NME9: variants seen among roughly 807,000 people sequenced by gnomAD.
NME9 encodes NME/NM23 family member 9, also known as thioredoxin domain-containing protein 6.
A neutral mutation model predicts 44.4 loss-of-function variants in NME9; 48 were observed. The observed-to-expected ratio is 1.08, with a 90% CI of 0.86 to 1.37. The LOEUF is 1.37. NME9 is among the 40% of genes most tolerant of loss of function. NME9 has a pLI of 0.00. For missense variants in NME9, 325 were observed against 405.2 expected (o/e 0.80, Z 1.70); for synonymous variants, 139 against 147.1 (o/e 0.94, Z 0.40).
At chr3:138,279,827 G>A (rs1009831072) in intron 8 of NME9, among the ~76,000 whole-genome samples, 4 of 152,014 alleles carry the variant, frequency 2.6e-5, no homozygotes, top group Non-Finnish European at 5.9e-5. Flanking sequence ...AACATAAAAC[G>A]GTTCATAATT....
chr3:138,269,162 G>A (rs1165578252), intron 8 of NME9, among the ~76,000 whole-genome samples: 2 of 152,098 alleles, frequency 1.3e-5, no homozygotes, highest in East Asian at 3.8e-4. Context: ...TGTATTTTTT[G>A]CTACTTTATA....
At chr3:138,262,546 T>C in exon 9 of NME9, 2 of 1,612,632 alleles carry the variant, frequency 1.2e-6, no homozygotes, top group Non-Finnish European at 1.7e-6. Flanking sequence ...CATTTTAGTC[T>C]AGGTCAGTGA....
chr3:138,285,461 T>A (rs2050319262), intron 8 of NME9, among the ~76,000 whole-genome samples: 1 of 152,154 alleles, frequency 6.6e-6, no homozygotes, highest in Admixed American at 6.5e-5. Context: ...CCACTTGAAG[T>A]TTCTCAAAAA....
chr3:138,274,017 C>T (rs558440030), intron 8 of NME9, among the ~76,000 whole-genome samples: 65 of 152,136 alleles, frequency 4.3e-4, no homozygotes, highest in African/African-American at 1.3e-3. Context: ...GGGGTTTTGC[C>T]GTGTTGGCCA....
chr3:138,296,705 T>A (rs903077629), downstream of NME9: 37 of 152,176 alleles, frequency 2.4e-4, no homozygotes, highest in African/African-American at 8.7e-4. Context: ...GGCTTCCAAG[T>A]CAAATGGAGA....
intron 1 of NME9, 123 bp downstream of exon 1, chr3:138,329,180 G>T: frequency 1.2e-6 from 1 of 864,588 alleles, no homozygotes; most frequent in South Asian, 1.7e-5. Context: ...ACTCAAGTTT[G>T]AGAACACTGT....
At chr3:138,280,522 C>T (rs537852159) in intron 8 of NME9, among the ~76,000 whole-genome samples, 56 of 147,526 alleles carry the variant, frequency 3.8e-4, no homozygotes, top group Admixed American at 2.1e-3. Context: ...GAGACAGTCT[C>T]TCGCTCTGTC....
chr3:138,265,635 G>C (rs1435019542), intron 8 of NME9, among the ~76,000 whole-genome samples: 1 of 152,196 alleles, frequency 6.6e-6, no homozygotes, highest in Admixed American at 6.5e-5. Context: ...AGGAAAACAG[G>C]AGGATTTTCT....
chr3:138,306,534 C>A (rs770759672), intron 6 of NME9, 54 bp from the exon 7 acceptor site: 2 of 1,099,712 alleles, frequency 1.8e-6, no homozygotes, highest in African/African-American at 1.6e-5. Flanking sequence ...CCTGAGAGGC[C>A]ATCCACAAAA....
At chr3:138,305,967 G>C (rs371437368) in intron 8 of NME9, 37 bp downstream of exon 8, 2 of 1,308,730 alleles carry the variant, frequency 1.5e-6, no homozygotes, top group Non-Finnish European at 2.2e-6. Flanking sequence ...GAAGAGAAAC[G>C]ACAGTGTGTT....
In NME9 at chr3:138,305,709, C is replaced by T. The variant is rs77335306; in HGVS notation, c.636+295G>A. Among the ~76,000 whole-genome samples the T allele has an allele frequency of 7.1e-3, 1,084 of 152,330 alleles. 17 individuals carry two copies. Among genetic ancestry groups the T allele is most frequent in the African/African-American group, 0.025 (1,036 of 41,580 alleles). The stretch of plus-strand genomic sequence containing the variant: ...GGCTTTGCTTCGAGATCCCTAGCTT[C>T]CTTTTGTCTCCAAGCCCTTCTCATT... On this transcript the variant is annotated intron_variant, in intron 8 of 10. Transcript: ENST00000333911.
intron 8 of NME9, among the ~76,000 whole-genome samples, chr3:138,282,934 C>T (rs1330254774): frequency 6.6e-6 from 1 of 152,192 alleles, no homozygotes; most frequent in Non-Finnish European, 1.5e-5. Context: ...AAATTTAAGA[C>T]AGTTTCACCA....
At chr3:138,293,550 AAAG>A (rs1490264559) in intron 8 of NME9, among the ~76,000 whole-genome samples, 1 of 152,034 alleles carries the variant, frequency 6.6e-6, no homozygotes, top group African/African-American at 2.4e-5. Flanking sequence ...AAAAAAAAGA[AAAG>A]AGGAAGAAGA....
At chr3:138,272,728 A>C (rs1370460474) in intron 8 of NME9, among the ~76,000 whole-genome samples, 2 of 152,158 alleles carry the variant, frequency 1.3e-5, no homozygotes, top group Admixed American at 6.5e-5. Flanking sequence ...TACAAAAATT[A>C]GCCAGGCGTG....
chr3:138,284,416 T>A, intron 8 of NME9: 1 of 1,604,032 alleles, frequency 6.2e-7, no homozygotes, highest in South Asian at 1.1e-5. Flanking sequence ...CTGTTGGCCC[T>A]TTGTTCTTTT....
chr3:138,266,994 A>G (rs2048344712), intron 8 of NME9, among the ~76,000 whole-genome samples: 1 of 152,240 alleles, frequency 6.6e-6, no homozygotes, highest in Non-Finnish European at 1.5e-5. Context: ...TAGCACTAGG[A>G]AAAGTTTGAC....
At chr3:138,277,701 TAC>T (rs1469307351) in intron 8 of NME9, among the ~76,000 whole-genome samples, 1 of 152,180 alleles carries the variant, frequency 6.6e-6, no homozygotes, top group Non-Finnish European at 1.5e-5. Flanking sequence ...TGCAAAATAA[TAC>T]AGTCATTTTG....
intron 1 of NME9, among the ~76,000 whole-genome samples, chr3:138,325,463 G>A (rs2053725075): frequency 6.6e-6 from 1 of 150,422 alleles, no homozygotes; most frequent in South Asian, 2.1e-4. Flanking sequence ...GAGTGCAGAA[G>A]CGCAATCTCA....
chr3:138,313,606 C>T (rs1483137331), intron 6 of NME9, among the ~76,000 whole-genome samples: 1 of 152,160 alleles, frequency 6.6e-6, no homozygotes, highest in Non-Finnish European at 1.5e-5. Flanking sequence ...GAGATATCTG[C>T]ACTCCCGTGT....
Sources: gnomAD v4.1 joint callset for allele counts (sites outside exome capture counted in the v4.1 genomes callset) on GRCh38, gnomAD v4.1.1 for gene constraint, MANE v1.5 for transcripts, NCBI Gene and HGNC (gene_info 2026-07-23, HGNC 2026-07-21) for gene names.